RTF1: variants seen among roughly 807,000 people sequenced by gnomAD.
RTF1 encodes RNA polymerase-associated protein RTF1 homolog.
RTF1 carries 10 observed loss-of-function variants against 95.7 expected under a neutral mutation model. The ratio of observed to expected loss-of-function variants is 0.10; its 90% CI spans 0.06 to 0.18. RTF1 has a LOEUF of 0.18. Among genes scored for constraint, RTF1 ranks in the 10% least tolerant of loss-of-function variants. The pLI, the probability that RTF1 is intolerant of heterozygous loss-of-function variation, is 1.00. For missense variants in RTF1, 458 were observed against 875.6 expected, an observed-to-expected ratio of 0.52 and a Z score of 6.02; for synonymous variants, 305 against 311.8, an observed-to-expected ratio of 0.98 and a Z score of 0.23.
intron 1 of RTF1, among the ~76,000 whole-genome samples, chr15:41,420,671 C>T (rs1398889143): frequency 1.3e-5 from 2 of 152,032 alleles, no homozygotes; most frequent in African/African-American, 2.4e-5. Context: ...GCCATTATGT[C>T]AAAAATTTTA....
Position 41,417,280 on chromosome 15 carries a change from A to G in RTF1, c.165A>G (p.Thr55=). The part of the protein sequence containing the change: ...RKGRVVIDSD[T]EDSGSDENLD... ...GCCGCGTCGTGATCGACTCGGACAC[A>G]GAGGACAGCGGCAGCGACGAGAACC... is the stretch of plus-strand genomic sequence containing the variant. Residue 55 remains threonine, a synonymous_variant, in exon 1 of 18, where the codon ACA becomes ACG. Transcript: ENST00000389629. 2 of 1,248,796 alleles carry G rather than the reference A, an allele frequency of 1.6e-6. No individual in the cohort carries two copies. The highest frequency in any genetic ancestry group is 2.0e-6 in the Non-Finnish European group (2 of 988,674). The allele number at this position is 1,248,796 out of a possible 1,614,324, so 77.4% of individuals were successfully genotyped here. A position where few individuals can be genotyped will look rare whatever the true frequency, so the allele number is the denominator to read the frequency against.
At chr15:41,461,291 C>A (rs1286198152) in intron 4 of RTF1, among the ~76,000 whole-genome samples, 1 of 152,120 alleles carries the variant, frequency 6.6e-6, no homozygotes, top group African/African-American at 2.4e-5. Context: ...AGATGATCCA[C>A]CCGCCTCTGC....
chr15:41,421,007 C>T (rs1476730948), intron 1 of RTF1, among the ~76,000 whole-genome samples: 1 of 152,190 alleles, frequency 6.6e-6, no homozygotes, highest in Non-Finnish European at 1.5e-5. Context: ...CTGTGTCTGC[C>T]ATAGTACTTC....
chr15:41,455,589 G>C (rs972037479), intron 3 of RTF1, among the ~76,000 whole-genome samples: 1 of 151,528 alleles, frequency 6.6e-6, no homozygotes, highest in African/African-American at 2.4e-5. Flanking sequence ...TGGATCACTT[G>C]AGGTCAGGAG....
intron 2 of RTF1, among the ~76,000 whole-genome samples, chr15:41,452,064 A>G (rs2050791784): frequency 6.6e-6 from 1 of 152,214 alleles, no homozygotes; most frequent in East Asian, 1.9e-4. Flanking sequence ...ATTAAATTAT[A>G]TGTTTATTAT....
chr15:41,436,976 A>G (rs1297704529), intron 1 of RTF1, among the ~76,000 whole-genome samples: 1 of 150,884 alleles, frequency 6.6e-6, no homozygotes, highest in Non-Finnish European at 1.5e-5. Context: ...AGTCCCAGCT[A>G]CTCGGGAGGT....
intron 1 of RTF1, among the ~76,000 whole-genome samples, chr15:41,434,719 C>T (rs1408868786): frequency 6.6e-6 from 1 of 151,730 alleles, no homozygotes; most frequent in East Asian, 1.9e-4. Flanking sequence ...CCTCTGCCTG[C>T]CAGGTTGAAG....
At chr15:41,467,166 G>A (rs528081483) in intron 6 of RTF1, among the ~76,000 whole-genome samples, 20 of 152,244 alleles carry the variant, frequency 1.3e-4, no homozygotes, top group African/African-American at 4.8e-4. Context: ...CCTCCTGATG[G>A]CATGAGTTCA....
intron 2 of RTF1, chr15:41,448,858 A>T (rs765735834): frequency 8.6e-5 from 13 of 152,008 alleles, no homozygotes; most frequent in South Asian, 2.1e-4. Context: ...TTATTTTTTT[A>T]AAATTAATTT....
rs1483436107 is a variant in RTF1 at position 41,476,487 on chromosome 15, C to T, written c.1524C>T (p.Asn508=). Residue 508 remains asparagine, a synonymous_variant, in exon 12 of 18, where the codon AAC becomes AAT. Transcript: ENST00000389629. ...AAAGGTTCAGAAAAGCTCCACCCAACTACGCTATGAAGAAGACTCAGCTAC... is the reference window on the plus strand; with the variant it reads ...AAAGGTTCAGAAAAGCTCCACCCAATTACGCTATGAAGAAGACTCAGCTAC... ...EKERFRKAPP[N]YAMKKTQLLK... is the part of the protein sequence containing the mutation. 1.9e-6 allele frequency: 3 copies of T among 1,613,900 alleles called. No homozygotes were observed. Among genetic ancestry groups the T allele is most frequent in the Admixed American group, 3.3e-5 (2 of 60,012 alleles).
chr15:41,442,498 A>G (rs1371914576), intron 2 of RTF1, among the ~76,000 whole-genome samples: 1 of 152,038 alleles, frequency 6.6e-6, no homozygotes, highest in Non-Finnish European at 1.5e-5. Context: ...GTGAAAAAAC[A>G]CATACTGAAG....
intron 2 of RTF1, among the ~76,000 whole-genome samples, 186 bp from the exon 3 acceptor site, chr15:41,452,715 T>C (rs371688870): frequency 4.6e-5 from 7 of 151,852 alleles, no homozygotes; most frequent in Admixed American, 2.6e-4. Flanking sequence ...GCCTGGACAA[T>C]AGAATGAGAC....
chr15:41,444,609 G>A (rs2050751892), intron 2 of RTF1, among the ~76,000 whole-genome samples: 1 of 152,030 alleles, frequency 6.6e-6, no homozygotes, highest in Non-Finnish European at 1.5e-5. Flanking sequence ...GATATTATAT[G>A]TAGTAGTTTT....
chr15:41,480,406 T>C, intron 17 of RTF1, 81 bp downstream of exon 17: 4 of 1,118,208 alleles, frequency 3.6e-6, no homozygotes, highest in South Asian at 1.3e-5. Context: ...AAGCCCACTT[T>C]TAGGGAAGAA....
intron 3 of RTF1, among the ~76,000 whole-genome samples, chr15:41,453,656 C>G (rs886781218): frequency 6.6e-6 from 1 of 151,342 alleles, no homozygotes; most frequent in Admixed American, 6.6e-5. Flanking sequence ...GAGCCCAGGA[C>G]TTCGAGGTTA....
At chr15:41,423,646 G>A (rs890384923) in intron 1 of RTF1, among the ~76,000 whole-genome samples, 2 of 152,136 alleles carry the variant, frequency 1.3e-5, no homozygotes, top group Non-Finnish European at 2.9e-5. Context: ...TGGGATTACA[G>A]GGGTGAGCCA....
intron 1 of RTF1, among the ~76,000 whole-genome samples, chr15:41,436,456 CAAA>C (rs1029344817): frequency 6.3e-5 from 4 of 63,876 alleles, no homozygotes; most frequent in Admixed American, 1.8e-4. Context: ...GACTCCGTCT[CAAA>C]AAAAAAAAAA....
chr15:41,470,194 T>C (rs1331962434), intron 6 of RTF1, 63 bp from the exon 7 acceptor site: 1 of 1,563,982 alleles, frequency 6.4e-7, no homozygotes, highest in Non-Finnish European at 8.7e-7. Flanking sequence ...CCAGTTCTTT[T>C]TCAAGGATGA....
At chr15:41,417,430 C>A in intron 1 of RTF1, 117 bp downstream of exon 1, 1 of 863,204 alleles carries the variant, frequency 1.2e-6, no homozygotes. Context: ...CGCCCCGTGC[C>A]CTGGGCACCA....
Sources: gnomAD v4.1 joint callset for allele counts (sites outside exome capture counted in the v4.1 genomes callset) on GRCh38, gnomAD v4.1.1 for gene constraint, MANE v1.5 for transcripts, NCBI Gene and HGNC (gene_info 2026-07-23, HGNC 2026-07-21) for gene names.